Variants in LINGO1 observed in about 807,000 individuals in gnomAD.
LINGO1 encodes leucine-rich repeat and immunoglobulin-like domain-containing nogo receptor-interacting protein 1.
A neutral mutation model predicts 37.3 loss-of-function variants in LINGO1; 11 were observed. That is an observed-to-expected ratio of 0.29 (90% CI 0.19 to 0.49). The LOEUF (loss-of-function observed/expected upper bound fraction) is 0.49, where lower values mean the gene tolerates loss of function less well. Ranked by LOEUF, LINGO1 falls within the 20% of genes least tolerant of loss-of-function variation. The probability of loss-of-function intolerance (pLI) is 0.99; values close to 1 mark genes in which losing one functional copy is unlikely to be tolerated. For synonymous variants in LINGO1, 387 were observed against 403.0 expected (o/e 0.96, Z 0.48); for missense variants, 585 against 878.2 (o/e 0.67, Z 4.22).
intron 1 of LINGO1, among the ~76,000 whole-genome samples, chr15:77,799,585 C>T (rs2076900777): frequency 6.6e-6 from 1 of 152,194 alleles, no homozygotes; most frequent in Non-Finnish European, 1.5e-5. Flanking sequence ...TCCTCCTCCC[C>T]CAGCCTCAGC....
At chr15:77,749,099 G>A (rs1246122677) in intron 1 of LINGO1, among the ~76,000 whole-genome samples, 1 of 151,472 alleles carries the variant, frequency 6.6e-6, no homozygotes, top group Non-Finnish European at 1.5e-5. Context: ...GTAGAGACGG[G>A]GTTTCGTCAT....
intron 1 of LINGO1, among the ~76,000 whole-genome samples, chr15:77,750,934 C>T (rs530874133): frequency 5.6e-4 from 85 of 152,296 alleles, no homozygotes; most frequent in Non-Finnish European, 9.7e-4. Context: ...GAGTCAGAGG[C>T]AGGGCCAGTC....
intron 3 of LINGO1, among the ~76,000 whole-genome samples, chr15:77,655,202 G>A (rs2074841679): frequency 6.6e-6 from 1 of 152,192 alleles, no homozygotes; most frequent in African/African-American, 2.4e-5. Context: ...TTCCTGGAAG[G>A]AGGGCTGGTT....
intron 2 of LINGO1, among the ~76,000 whole-genome samples, chr15:77,729,495 G>A (rs1298775502): frequency 6.6e-6 from 1 of 152,208 alleles, no homozygotes; most frequent in Non-Finnish European, 1.5e-5. Flanking sequence ...AGCTGGTGGA[G>A]GGAGAGCAGG....
chr15:77,728,149 T>C (rs1383188313), intron 2 of LINGO1, among the ~76,000 whole-genome samples: 2 of 152,204 alleles, frequency 1.3e-5, no homozygotes, highest in Non-Finnish European at 2.9e-5. Context: ...AAATGGCCCC[T>C]GGCTGCCCTC....
At chr15:77,765,944 G>A (rs906804555) in intron 1 of LINGO1, among the ~76,000 whole-genome samples, 1 of 152,132 alleles carries the variant, frequency 6.6e-6, no homozygotes, top group Non-Finnish European at 1.5e-5. Flanking sequence ...ACTGAACATC[G>A]TCAAGCATTT....
intron 3 of LINGO1, among the ~76,000 whole-genome samples, chr15:77,647,322 G>C (rs1008497139): frequency 2.6e-5 from 4 of 151,862 alleles, no homozygotes; most frequent in African/African-American, 9.7e-5. Context: ...ACAGTCCAGG[G>C]GAGAGGTAGA....
At chr15:77,692,171 GCCAGGAACCTT>G (rs2075615768) in intron 1 of LINGO1, among the ~76,000 whole-genome samples, 1 of 152,190 alleles carries the variant, frequency 6.6e-6, no homozygotes, top group Admixed American at 6.5e-5. Context: ...CTTATTAAGT[GCCAGGAACCTT>G]CCTCAGCACT....
intron 2 of LINGO1, among the ~76,000 whole-genome samples, chr15:77,720,405 C>G (rs931535901): frequency 2.6e-5 from 4 of 152,246 alleles, no homozygotes; most frequent in Admixed American, 6.5e-5. Flanking sequence ...CGTGTGTGAG[C>G]GCAGTGCCTG....
chr15:77,819,676 G>GCGGAGCGCGGCCCTGGGCCCCTC (rs2077082064), intron 1 of LINGO1: 1 of 150,924 alleles, frequency 6.6e-6, no homozygotes, highest in African/African-American at 2.4e-5. Context: ...GCCGGAGCCT[G>GCGGAGCGCGGCCCTGGGCCCCTC]CGGAGCGCGG....
At chr15:77,751,811 A>G (rs3935769) in intron 1 of LINGO1, among the ~76,000 whole-genome samples, 34,125 of 152,168 alleles carry the variant, frequency 0.22, 7,002 homozygotes, top group African/African-American at 0.55. Flanking sequence ...GGTGGAGAGC[A>G]GGATACTTGA....
chr15:77,618,324 C>T (rs2073799562), intron 1 of LINGO1, among the ~76,000 whole-genome samples: 2 of 152,180 alleles, frequency 1.3e-5, no homozygotes, highest in African/African-American at 4.8e-5. Flanking sequence ...CACCTCTTTT[C>T]CCACCAGTCC....
chr15:77,668,940 C>G (rs112229836), intron 3 of LINGO1, among the ~76,000 whole-genome samples: 6 of 152,334 alleles, frequency 3.9e-5, no homozygotes, highest in African/African-American at 1.4e-4. Context: ...CACATGTGGC[C>G]TCTCAAGCCA....
chr15:77,734,680 T>C (rs2141337620), intron 2 of LINGO1, among the ~76,000 whole-genome samples: 1 of 152,014 alleles, frequency 6.6e-6, no homozygotes, highest in East Asian at 1.9e-4. Context: ...GGCTGGTGCC[T>C]GGGTCAGGCA....
intron 3 of LINGO1, chr15:77,648,998 G>T (rs11633842): frequency 6.6e-6 from 1 of 152,224 alleles, no homozygotes; most frequent in Non-Finnish European, 1.5e-5. Context: ...AGCTCTGCAT[G>T]TACTATTGTG....
intron 3 of LINGO1, among the ~76,000 whole-genome samples, chr15:77,652,530 G>GT (rs57969910): frequency 6.9e-6 from 1 of 144,772 alleles, no homozygotes; most frequent in African/African-American, 2.7e-5. Flanking sequence ...GTGTGTGTGT[G>GT]TTGCCAGAAT....
At chr15:77,758,744 G>C (rs528036743) in intron 1 of LINGO1, among the ~76,000 whole-genome samples, 4 of 152,194 alleles carry the variant, frequency 2.6e-5, no homozygotes, top group African/African-American at 9.6e-5. Flanking sequence ...CTCCTATATG[G>C]GGGTTTTGGG....
At position 77,782,661 on chromosome 15, in the gene LINGO1, T is replaced by C. The variant is rs547143113; in HGVS notation, c.-257+4208A>G. 4.6e-5 allele frequency among the ~76,000 whole-genome samples: 7 copies of C among 151,148 alleles called. No individual in the cohort carries two copies. In the South Asian group the frequency reaches 1.5e-3, roughly 32 times the overall value. On this transcript the variant is annotated intron_variant, in intron 1 of 3. Transcript: ENST00000561686. ...AAATTGAACCCGCCCCGACCAGGAC[T>C]CTCAGCCTTCCCACCCCATAGCCAC...
upstream of LINGO1, among the ~76,000 whole-genome samples, chr15:77,697,086 G>A (rs533066070): frequency 1.3e-4 from 20 of 152,374 alleles, no homozygotes; most frequent in African/African-American, 4.8e-4. Flanking sequence ...TAAGGCTGCC[G>A]TGAGCTGTGA....
Sources: allele counts gnomAD v4.1 joint callset (sites outside exome capture counted in the v4.1 genomes callset), GRCh38; gene constraint gnomAD v4.1.1; transcripts MANE v1.5; gene names NCBI Gene and HGNC (gene_info 2026-07-23, HGNC 2026-07-21).